The following MTUS1 variants were observed in gnomAD, a reference collection of about 807,000 sequenced individuals.
The protein encoded by MTUS1 is microtubule associated scaffold protein 1, also known as microtubule-associated tumor suppressor 1.
Under a neutral mutation model 120.8 loss-of-function variants are expected in MTUS1, and 109 were observed. The ratio of observed to expected loss-of-function variants is 0.90; its 90% CI spans 0.77 to 1.06. The LOEUF is 1.06. MTUS1 is among the 50% of genes least tolerant of loss of function. MTUS1 has a pLI of 0.00. For synonymous variants in MTUS1, 737 were observed against 550.5 expected (o/e 1.34, Z -4.74); for missense variants, 2,210 against 1,486.3 (o/e 1.49, Z -8.01).
rs2046332746 is a variant in MTUS1 at position 17,728,075 on chromosome 8, T to C, written c.2288-4242A>G. ...TGGAAAGATTAAGTGAACAACAGGA[T>C]AGTGTTAATATTAATATTATCCTAT... is the stretch of plus-strand genomic sequence containing the variant. On this transcript the variant is annotated intron_variant, in intron 3 of 14. Transcript: ENST00000693296. Among the ~76,000 whole-genome samples, 4 of 152,212 alleles carry C rather than the reference T, an allele frequency of 2.6e-5. No individual in the cohort carries two copies. The South Asian group carries it at 6.2e-4, about 24-fold the overall frequency.
intron 8 of MTUS1, among the ~76,000 whole-genome samples, chr8:17,671,899 T>TA (rs1165807885): frequency 6.6e-6 from 1 of 152,174 alleles, no homozygotes; most frequent in Non-Finnish European, 1.5e-5. Context: ...GGCCAGGCAC[T>TA]ACACCACTGC....
At chr8:17,676,179 T>A in intron 7 of MTUS1, 1 of 691,752 alleles carries the variant, frequency 1.4e-6, no homozygotes, top group Non-Finnish European at 2.6e-6. Flanking sequence ...CAGGCAAGAG[T>A]TGCTTGTCAT....
intron 1 of MTUS1, among the ~76,000 whole-genome samples, chr8:17,761,520 A>T (rs964892126): frequency 2.0e-5 from 3 of 152,184 alleles, no homozygotes; most frequent in African/African-American, 7.2e-5. Flanking sequence ...TGTGTGCCTT[A>T]TTTCACCAAC....
chr8:17,755,956 TG>T lies in MTUS1; in HGVS notation c.-150del. On this transcript the variant is annotated 5_prime_UTR_variant, in exon 2 of 15. Coordinates refer to ENST00000693296, the MANE Select transcript of MTUS1 (RefSeq NM_001363059.2). ...ATGCTCTGAAGATTAAATGATTTGT[TG>T]TTCCCTGGAAGAAATAAAATGTTTA... The T allele has an allele frequency of 7.0e-7, 1 of 1,422,930 alleles. No individual in the cohort carries two copies. The highest frequency in any genetic ancestry group is 1.4e-5 in the African/African-American group (1 of 69,764). The allele number at this position is 1,422,930 out of a possible 1,614,324, so 88.1% of individuals were successfully genotyped here. A position where few individuals can be genotyped will look rare whatever the true frequency, so the allele number is the denominator to read the frequency against.
rs149412558 is a variant in MTUS1 at position 17,707,092 on chromosome 8, G to C, written c.2623+6122C>G. Among the ~76,000 whole-genome samples the C allele has an allele frequency of 2.8e-3, 425 of 152,216 alleles. 2 individuals are homozygous for C. The highest frequency in any genetic ancestry group is 9.6e-3 in the African/African-American group (398 of 41,540). ...CAACGATTAAAAATTTACACTCAGA[G>C]GAACATGTTTATGTGTGGAGGCAAT... is the stretch of plus-strand genomic sequence containing the variant. On this transcript the variant is annotated intron_variant, in intron 6 of 14. Transcript: ENST00000693296.
At chr8:17,706,765 G>A (rs1337033631) in intron 6 of MTUS1, among the ~76,000 whole-genome samples, 1 of 152,174 alleles carries the variant, frequency 6.6e-6, no homozygotes, top group Non-Finnish European at 1.5e-5. Context: ...ATGTGATACA[G>A]AAGCACCCTA....
intron 6 of MTUS1, among the ~76,000 whole-genome samples, chr8:17,703,730 T>C (rs1585816121): frequency 6.6e-6 from 1 of 151,948 alleles, no homozygotes; most frequent in East Asian, 1.9e-4. Context: ...CCCTGGTAAA[T>C]TTGAGGTCAG....
intron 1 of MTUS1, among the ~76,000 whole-genome samples, chr8:17,769,076 G>GC: frequency 6.6e-6 from 1 of 152,204 alleles, no homozygotes; most frequent in South Asian, 2.1e-4. Context: ...GGAGGAGCAA[G>GC]CCCCTAGCTG....
intron 8 of MTUS1, among the ~76,000 whole-genome samples, chr8:17,664,744 C>T (rs888373143): frequency 1.3e-5 from 2 of 152,044 alleles, no homozygotes; most frequent in African/African-American, 4.8e-5. Flanking sequence ...AAGGGAAATC[C>T]GAGGAAATCC....
intron 1 of MTUS1, among the ~76,000 whole-genome samples, chr8:17,798,516 T>G (rs899188579): frequency 1.3e-5 from 2 of 152,144 alleles, no homozygotes; most frequent in African/African-American, 4.8e-5. Flanking sequence ...GTATCTTTAG[T>G]AGAGACGGGG....
chr8:17,723,625 A>C, intron 4 of MTUS1, 47 bp downstream of exon 4: 6 of 1,570,878 alleles, frequency 3.8e-6, no homozygotes, highest in Non-Finnish European at 5.3e-6. Context: ...TTTTTCTTGT[A>C]ATGACTGTTT....
At position 17,754,594 on chromosome 8, in the gene MTUS1, A is replaced by G. The variant is rs773165379; in HGVS notation, c.1214T>C (p.Val405Ala). 3.1e-6 allele frequency: 5 copies of G among 1,613,942 alleles called. No individual in the cohort carries two copies. In the African/African-American group the frequency reaches 4.0e-5, roughly 13 times the overall value. ...CCAAGTCAGTCCAAATGACGAGCCC[A>G]CCTTTTGTCCTGGCGGGCTACTTAG... ...LILSSPPGQK[V>A]GSSFGLTWDA... Residue 405 changes from valine (V) to alanine (A), a missense_variant, in exon 2 of 15, where the codon GTG (valine) becomes GCG (alanine). By Grantham distance (64) the Val-to-Ala change is moderately conservative. Transcript: ENST00000693296.
intron 2 of MTUS1, among the ~76,000 whole-genome samples, chr8:17,747,592 CT>C (rs1586135627): frequency 1.3e-5 from 2 of 152,196 alleles, no homozygotes; most frequent in Non-Finnish European, 2.9e-5. Flanking sequence ...CCACTCTCTC[CT>C]AATTAGTTCT....
At chr8:17,664,745 G>A (rs941191642) in intron 8 of MTUS1, among the ~76,000 whole-genome samples, 1 of 152,066 alleles carries the variant, frequency 6.6e-6, no homozygotes, top group African/African-American at 2.4e-5. Flanking sequence ...AGGGAAATCC[G>A]AGGAAATCCG....
chr8:17,674,690 C>G, intron 8 of MTUS1: 1 of 987,356 alleles, frequency 1.0e-6, no homozygotes, highest in Non-Finnish European at 1.2e-6. Flanking sequence ...CCATCAGCCC[C>G]CCTCCAAATA....
chr8:17,692,772 G>C (rs940564999), intron 6 of MTUS1, among the ~76,000 whole-genome samples: 1 of 151,994 alleles, frequency 6.6e-6, no homozygotes, highest in Non-Finnish European at 1.5e-5. Context: ...ACTATTTATT[G>C]TACAAGAATC....
chr8:17,799,224 G>T (rs966594507), intron 1 of MTUS1, among the ~76,000 whole-genome samples: 2 of 151,750 alleles, frequency 1.3e-5, no homozygotes, highest in African/African-American at 4.9e-5. Flanking sequence ...TTTTAAAAAC[G>T]TATTTGTTGC....
chr8:17,755,635 T>A lies in MTUS1; in HGVS notation c.173A>T (p.Tyr58Phe), dbSNP rs751485005. Residue 58 changes from tyrosine to phenylalanine, a missense_variant, in exon 2 of 15, where the codon TAT becomes TTT. By Grantham distance (22) the Tyr-to-Phe change is conservative. Coordinates refer to ENST00000693296, the MANE Select transcript of MTUS1 (RefSeq NM_001363059.2). ...AGTAACTACAGCAGGGTCAGTTTCA[T>A]AATCAACCACCATGTCATCTGGGTT... ...SANPDDMVVD[Y>F]ETDPAVVTGE... is the part of the protein sequence containing the mutation. 2 of 1,614,232 alleles carry A rather than the reference T, an allele frequency of 1.2e-6. No homozygotes were observed. The highest frequency in any genetic ancestry group is 1.3e-5 in the African/African-American group (1 of 75,062).
At chr8:17,748,072 G>C (rs571928823) in intron 2 of MTUS1, 1 of 152,204 alleles carries the variant, frequency 6.6e-6, no homozygotes, top group Admixed American at 6.5e-5. Flanking sequence ...ATTTGGGTGG[G>C]GACACAGCCA....
Sources: gnomAD v4.1 joint callset for allele counts (sites outside exome capture counted in the v4.1 genomes callset) on GRCh38, gnomAD v4.1.1 for gene constraint, MANE v1.5 for transcripts, NCBI Gene and HGNC (gene_info 2026-07-23, HGNC 2026-07-21) for gene names.